The following DNAJA4 variants were observed in gnomAD, a reference collection of about 807,000 sequenced individuals.
The protein encoded by DNAJA4 is dnaJ homolog subfamily A member 4.
DNAJA4 carries 32 observed loss-of-function variants against 39.7 expected under a neutral mutation model. The observed-to-expected ratio is 0.81, with a 90% confidence interval of 0.61 to 1.08. The LOEUF (loss-of-function observed/expected upper bound fraction) is 1.08. DNAJA4 is among the 50% of genes least tolerant of loss of function. The probability of loss-of-function intolerance (pLI) is 0.00; values close to 1 mark genes in which losing one functional copy is unlikely to be tolerated. For missense variants in DNAJA4, 439 were observed against 505.1 expected (o/e 0.87, Z 1.25); for synonymous variants, 184 against 182.4 (o/e 1.01, Z -0.07).
Position 78,273,091 on chromosome 15 carries a change from T to A in DNAJA4, c.314-4T>A. The A allele has an allele frequency of 1.9e-6, 3 of 1,561,008 alleles. No homozygotes were observed. Among genetic ancestry groups the A allele is most frequent in the Non-Finnish European group, 2.6e-6 (3 of 1,136,052 alleles). ...GCCACTAATTTTTTTTCTCCCTTGCTAAGGCAAGAATGTTGTACACCAGTT... is the reference window on the plus strand; with the variant it reads ...GCCACTAATTTTTTTTCTCCCTTGCAAAGGCAAGAATGTTGTACACCAGTT... On this transcript the variant is annotated splice_polypyrimidine_tract_variant and splice_region_variant and intron_variant, in intron 2 of 6. Coordinates refer to ENST00000394852, the MANE Select transcript of DNAJA4 (RefSeq NM_001130182.2).
chr15:78,278,896 C>G (rs186358850), intron 5 of DNAJA4, among the ~76,000 whole-genome samples: 8 of 144,766 alleles, frequency 5.5e-5, no homozygotes, highest in African/African-American at 2.1e-4. Flanking sequence ...GTCTCGAACT[C>G]CTGACCTCGT....
chr15:78,266,638 G>GC (rs1555437951), intron 1 of DNAJA4, among the ~76,000 whole-genome samples: 1 of 152,204 alleles, frequency 6.6e-6, no homozygotes, highest in Non-Finnish European at 1.5e-5. Flanking sequence ...CTTCCAGGAG[G>GC]CTGCCTCTGC....
At chr15:78,267,169 TGTGAGTGTGTGA>T (rs1208999123) in intron 1 of DNAJA4, among the ~76,000 whole-genome samples, 38 of 48,188 alleles carry the variant, frequency 7.9e-4, no homozygotes, top group African/African-American at 3.4e-3. Flanking sequence ...TATGTGAGTG[TGTGAGTGTGTGA>T]GTGTGTGTGT....
chr15:78,280,011 C>A, intron 5 of DNAJA4, 34 bp from the exon 6 acceptor site: 1 of 1,603,444 alleles, frequency 6.2e-7, no homozygotes, highest in Non-Finnish European at 8.5e-7. Context: ...GCCCCTCTGC[C>A]TTCCTCCTTC....
chr15:78,267,141 AGTGT>A (rs56890900), intron 1 of DNAJA4, among the ~76,000 whole-genome samples: 18 of 41,986 alleles, frequency 4.3e-4, no homozygotes, highest in East Asian at 2.1e-3. Flanking sequence ...TGTGTATGTG[AGTGT>A]GTGTGTGAGT....
upstream of DNAJA4, chr15:78,264,257 C>T (rs1315129556): frequency 3.4e-5 from 41 of 1,221,566 alleles, no homozygotes; most frequent in Non-Finnish European, 3.9e-5. Flanking sequence ...CTCGGGGCGG[C>T]GGGACAGTTG....
chr15:78,278,981 C>CA (rs34340897), intron 5 of DNAJA4, among the ~76,000 whole-genome samples: 74,921 of 149,478 alleles, frequency 0.5, 19,497 homozygotes, highest in East Asian at 0.67. Flanking sequence ...GACTGTATTT[C>CA]AAAAAAAAAG....
In DNAJA4 at chr15:78,280,531, C is replaced by T; in HGVS notation, c.*71C>T. The T allele has an allele frequency of 7.5e-7, 1 of 1,334,470 alleles. No homozygotes were observed. Among genetic ancestry groups the T allele is most frequent in the Non-Finnish European group, 1.0e-6 (1 of 971,414 alleles). The allele number at this position is 1,334,470 out of a possible 1,614,324, so 82.7% of individuals were successfully genotyped here. A position where few individuals can be genotyped will look rare whatever the true frequency, so the allele number is the denominator to read the frequency against. On this transcript the variant is annotated 3_prime_UTR_variant, in exon 7 of 7. Transcript: ENST00000394852. ...TGTAAAGTTGGCACAATGAAAATGA[C>T]ATCGCTTTAATGGCCTTGTGTTTGG...
intron 2 of DNAJA4, 21 bp downstream of exon 2, chr15:78,270,698 A>G (rs374716409): frequency 1.2e-6 from 2 of 1,607,362 alleles, no homozygotes; most frequent in Non-Finnish European, 1.7e-6. Flanking sequence ...TTAAAGAAAC[A>G]TAAATAAGTT....
intron 2 of DNAJA4, among the ~76,000 whole-genome samples, chr15:78,272,144 G>C (rs1252926440): frequency 6.6e-6 from 1 of 152,106 alleles, no homozygotes; most frequent in African/African-American, 2.4e-5. Context: ...AGACCATCCT[G>C]GCTAACATGG....
chr15:78,264,450 C>A (rs549803589), upstream of DNAJA4: 64 of 1,325,018 alleles, frequency 4.8e-5, no homozygotes, highest in African/African-American at 9.1e-4. Flanking sequence ...GAACCCGCCG[C>A]GGGGCCGCCG....
chr15:78,264,425 G>A, upstream of DNAJA4: 6 of 1,358,138 alleles, frequency 4.4e-6, no homozygotes, highest in African/African-American at 1.5e-5. Context: ...GACGGGCGTC[G>A]GGGGTCTGGG....
intron 1 of DNAJA4, among the ~76,000 whole-genome samples, chr15:78,265,228 C>G (rs1397342593): frequency 6.6e-6 from 1 of 152,188 alleles, no homozygotes. Flanking sequence ...TGTGTTGGTT[C>G]CCTGTGGGAG....
chr15:78,276,637 GC>G (rs2049468195), intron 5 of DNAJA4, among the ~76,000 whole-genome samples: 1 of 152,256 alleles, frequency 6.6e-6, no homozygotes. Flanking sequence ...TGGCGGCTAC[GC>G]CACCGAAGCA....
chr15:78,279,987 A>G lies in DNAJA4; in HGVS notation c.878-58A>G. 6.4e-7 allele frequency: 1 copy of G among 1,551,746 alleles called. No homozygotes were observed. The highest frequency in any genetic ancestry group is 1.1e-5 in the South Asian group (1 of 88,088). ...TGCCGCAGGCTCTCCCATGAGGGAG[A>G]ACGACCTCTGCAGGCCCCTCTGCCT... On this transcript the variant is annotated intron_variant, in intron 5 of 6. Coordinates refer to ENST00000394852, the MANE Select transcript of DNAJA4 (RefSeq NM_001130182.2). This position sits in a 1 kb window ranked among gnomAD's most constrained non-coding sequence, Gnocchi z 4.5.
At chr15:78,266,244 T>C (rs760141748) in intron 1 of DNAJA4, 2 of 1,497,168 alleles carry the variant, frequency 1.3e-6, no homozygotes, top group Non-Finnish European at 1.8e-6. Context: ...GCTAAAGACA[T>C]GTGGGAAAGC....
At chr15:78,268,437 G>GT (rs2049202714) in intron 1 of DNAJA4, among the ~76,000 whole-genome samples, 1 of 152,112 alleles carries the variant, frequency 6.6e-6, no homozygotes, top group African/African-American at 2.4e-5. Context: ...CTAAATTGTA[G>GT]TTTTTTAGCT....
intron 4 of DNAJA4, 187 bp downstream of exon 4, chr15:78,274,611 C>A: frequency 1.6e-6 from 1 of 618,840 alleles, no homozygotes. Flanking sequence ...TCCATGTCAC[C>A]TGCCAAAGTG....
chr15:78,279,774 A>G lies in DNAJA4; in HGVS notation c.878-271A>G, dbSNP rs147307852. The stretch of plus-strand genomic sequence containing the variant: ...TCATGACTTCTAGTTCACTTGTTTT[A>G]AACCTACCTGTGATGGCAGCTGCAC... On this transcript the variant is annotated intron_variant, in intron 5 of 6. Coordinates refer to ENST00000394852, the MANE Select transcript of DNAJA4 (RefSeq NM_001130182.2). This position sits in a 1 kb window ranked among gnomAD's most constrained non-coding sequence, Gnocchi z 4.5. 3.6e-3 allele frequency: 1,877 copies of G among 517,264 alleles called. 24 individuals carry two copies. The highest frequency in any genetic ancestry group is 0.031 in the African/African-American group (1,605 of 52,534). The allele number at this position is 517,264 out of a possible 1,614,324, so 32.0% of individuals were successfully genotyped here.
Sources: allele counts gnomAD v4.1 joint callset (sites outside exome capture counted in the v4.1 genomes callset), GRCh38; gene constraint gnomAD v4.1.1; non-coding constraint Gnocchi (gnomAD v3.1); transcripts MANE v1.5; gene names NCBI Gene and HGNC (gene_info 2026-07-23, HGNC 2026-07-21).